AGO1: variants seen among roughly 807,000 people sequenced by gnomAD.
The protein encoded by AGO1 is protein argonaute-1.
Under a neutral mutation model 109.2 loss-of-function variants are expected in AGO1, and 11 were observed. That is an observed-to-expected ratio of 0.10 (90% CI 0.06 to 0.17). AGO1 has a LOEUF of 0.17. Ranked by LOEUF, AGO1 falls within the 10% of genes least tolerant of loss-of-function variation. AGO1 has a pLI of 1.00. For missense variants in AGO1, 574 were observed against 1,140.3 expected (o/e 0.50, Z 7.15); for synonymous variants, 422 against 418.6 (o/e 1.01, Z -0.10).
Position 35,915,552 on chromosome 1 carries a change from A to G in AGO1, c.2028+10A>G. ...AGGCCAGCTACCCCAGGTAGGGCCCACAGTAGGTGGAGAAAACCTTCACAT... is the reference window on the plus strand; with the variant it reads ...AGGCCAGCTACCCCAGGTAGGGCCCGCAGTAGGTGGAGAAAACCTTCACAT... On this transcript the variant is annotated intron_variant, in intron 15 of 18. Coordinates refer to ENST00000373204, the MANE Select transcript of AGO1 (RefSeq NM_012199.5). 1 of 1,612,498 alleles carries G rather than the reference A, an allele frequency of 6.2e-7. No homozygotes were observed. Among genetic ancestry groups the G allele is most frequent in the Non-Finnish European group, 8.5e-7 (1 of 1,179,102 alleles).
intron 14 of AGO1, 125 bp downstream of exon 14, chr1:35,914,399 T>C: frequency 1.4e-6 from 1 of 710,452 alleles, no homozygotes; most frequent in Non-Finnish European, 2.4e-6. Flanking sequence ...TTTAGCTCGC[T>C]ATTCCCAATT....
chr1:35,893,268 G>A lies in AGO1; in HGVS notation c.502G>A (p.Ala168Thr), dbSNP rs200107860. 2 of 1,613,688 alleles carry A rather than the reference G, an allele frequency of 1.2e-6. No homozygotes were observed. The highest frequency in any genetic ancestry group is 1.7e-5 in the Admixed American group (1 of 59,970). The change falls in exon 4 of 19, where the codon GCA (alanine) becomes ACA (threonine). Residue 168 changes from alanine to threonine, a missense_variant. Ala to Thr is a moderately conservative substitution (Grantham distance 58). Transcript: ENST00000373204. The surrounding 1 kb of genome is among the most constrained non-coding windows in gnomAD (Gnocchi z 5.6). ...QALDVAMRHL[A>T]SMRYTPVGRS... ...CCTGGATGTGGCCATGAGGCACCTG[G>A]CATCCATGAGGTATTGGGTGTAGTT...
Position 35,927,504 on chromosome 1 carries a change from A to G in AGO1, c.*7897A>G, listed in dbSNP as rs1012690951. 2.6e-5 allele frequency: 4 copies of G among 152,196 alleles called. No individual in the cohort carries two copies. Among genetic ancestry groups the G allele is most frequent in the African/African-American group, 9.7e-5 (4 of 41,428 alleles). 9.4% of individuals were successfully genotyped at this position (152,196 alleles called of 1,614,324 possible). A position where few individuals can be genotyped will look rare whatever the true frequency, so the allele number is the denominator to read the frequency against. The stretch of plus-strand genomic sequence containing the variant: ...CAGAACCGTGTCTGGCAAAAGAGAG[A>G]CAGATTTTTCTGTGTCCTTCTAAAG... On this transcript the variant is annotated 3_prime_UTR_variant, in exon 19 of 19. Transcript: ENST00000373204.
chr1:35,885,791 T>A (rs1313517336), intron 1 of AGO1, among the ~76,000 whole-genome samples: 1 of 152,212 alleles, frequency 6.6e-6, no homozygotes, highest in East Asian at 1.9e-4. Context: ...AAGTGCCTAG[T>A]GTATAGGCCC....
intron 12 of AGO1, among the ~76,000 whole-genome samples, chr1:35,908,263 T>C (rs1420949122): frequency 6.6e-6 from 1 of 152,220 alleles, no homozygotes; most frequent in Non-Finnish European, 1.5e-5. Flanking sequence ...TCAGTTGTCC[T>C]CTTGACTTCT....
Position 35,907,022 on chromosome 1 carries a change from G to A in AGO1, c.1485G>A (p.Gly495=). The A allele has an allele frequency of 1.9e-6, 3 of 1,614,062 alleles. No homozygotes were observed. The South Asian group carries it at 3.3e-5, about 18-fold the overall frequency. Residue 495 remains glycine (G), a synonymous_variant, in exon 12 of 19, where the codon GGG becomes GGA. Coordinates refer to ENST00000373204, the MANE Select transcript of AGO1 (RefSeq NM_012199.5). ...CTTGTTTCTGCAAATATGCACAGGG[G>A]GCAGACAGCGTGGAGCCTATGTTCC... ...GQPCFCKYAQ[G]ADSVEPMFRH...
chr1:35,879,960 CA>C (rs1296201728), upstream of AGO1, among the ~76,000 whole-genome samples: 1 of 152,004 alleles, frequency 6.6e-6, no homozygotes, highest in Non-Finnish European at 1.5e-5. Context: ...GTATTTAGAA[CA>C]GGGGAGTCAG....
chr1:35,895,039 T>C, intron 7 of AGO1, 83 bp from the exon 8 acceptor site: 2 of 1,467,912 alleles, frequency 1.4e-6, no homozygotes, highest in South Asian at 1.4e-5. Context: ...GGAAAAAATC[T>C]GAGGCTTCCA....
chr1:35,871,052 A>G (rs1474500738), intron 1 of AGO1, among the ~76,000 whole-genome samples: 4 of 152,136 alleles, frequency 2.6e-5, no homozygotes, highest in African/African-American at 7.2e-5. Flanking sequence ...TCTTGTGCCT[A>G]TCTCCTCTTG....
intron 8 of AGO1, among the ~76,000 whole-genome samples, chr1:35,897,223 G>A (rs929463015): frequency 4.6e-5 from 7 of 152,198 alleles, no homozygotes; most frequent in Non-Finnish European, 7.3e-5. Flanking sequence ...ATAGAAGTAA[G>A]GGAGGAAGAG....
At chr1:35,910,220 G>C (rs1185583829) in intron 12 of AGO1, among the ~76,000 whole-genome samples, 2 of 150,688 alleles carry the variant, frequency 1.3e-5, no homozygotes, top group East Asian at 3.9e-4. Flanking sequence ...CCTCCTGGGA[G>C]GCTGGGTAAA....
chr1:35,921,283 CTTTTTTTTTT>C lies in AGO1; in HGVS notation c.*1687_*1696del, dbSNP rs34158936. On this transcript the variant is annotated 3_prime_UTR_variant, in exon 19 of 19. Transcript: ENST00000373204. Reference sequence around the variant, plus strand: ...AGGGCATGTGGGTGGGTGGCATGGACTTTTTTTTTTTTTTTTTTTTGTCTTGAGACATGGG... The same window carrying C: ...AGGGCATGTGGGTGGGTGGCATGGACTTTTTTTTTTGTCTTGAGACATGGG... 1.8e-5 allele frequency: 2 copies of C among 113,890 alleles called. No individual in the cohort carries two copies. Among genetic ancestry groups the C allele is most frequent in the Non-Finnish European group, 3.6e-5 (2 of 56,062 alleles). The allele number at this position is 113,890 out of a possible 1,614,324, so 7.1% of individuals were successfully genotyped here. A position where few individuals can be genotyped will look rare whatever the true frequency, so the allele number is the denominator to read the frequency against.
Position 35,895,238 on chromosome 1 carries a change from A to G in AGO1, c.989A>G (p.Gln330Arg). Residue 330 changes from glutamine (Q) to arginine (R), a missense_variant, in exon 8 of 19, where the codon CAG becomes CGG. By Grantham distance (43) the Gln-to-Arg change is conservative. Coordinates refer to ENST00000373204, the MANE Select transcript of AGO1 (RefSeq NM_012199.5). ...YPHLPCLQVG[Q>R]EQKHTYLPLE... ...CATCTGCCCTGCCTACAAGTTGGCC[A>G]GGAACAAAAGCATACCTACCTTCCC... The G allele has an allele frequency of 6.2e-7, 1 of 1,613,938 alleles. No homozygotes were observed. The highest frequency in any genetic ancestry group is 8.5e-7 in the Non-Finnish European group (1 of 1,179,900).
At chr1:35,902,417 A>T in intron 11 of AGO1, 80 bp downstream of exon 11, 7 of 1,547,534 alleles carry the variant, frequency 4.5e-6, no homozygotes, top group Non-Finnish European at 6.1e-6. Flanking sequence ...ACAGGGGCTG[A>T]TATTGATCAG....
At position 35,897,972 on chromosome 1, in the gene AGO1, ATTTT is replaced by A. The variant is rs1293435569; in HGVS notation, c.1020+2704_1020+2707del. 1.1e-4 allele frequency among the ~76,000 whole-genome samples: 17 copies of A among 152,168 alleles called. No individual in the cohort carries two copies. In the East Asian group the frequency reaches 1.5e-3, roughly 14 times the overall value. On this transcript the variant is annotated intron_variant, in intron 8 of 18. Coordinates refer to ENST00000373204, the MANE Select transcript of AGO1 (RefSeq NM_012199.5). ...TTACTTTCAGTCTCTGGGTATACCT[ATTTT>A]GGACATATCATATATGTGAAATAAT...
Position 35,876,868 on chromosome 1 carries a change from G to A in AGO1, c.-201+6965G>A, listed in dbSNP as rs115451928. ...TGCAGTCATGGTTCACTGCAGCTTCGACCACCTGGGCTGGGCTTAAGTGAT... is the reference window on the plus strand; with the variant it reads ...TGCAGTCATGGTTCACTGCAGCTTCAACCACCTGGGCTGGGCTTAAGTGAT... On this transcript the variant is annotated intron_variant, in intron 1 of 18. Transcript: ENST00000373206. Among the ~76,000 whole-genome samples the A allele has an allele frequency of 6.5e-3, 993 of 152,160 alleles. 9 individuals are homozygous for A. Among genetic ancestry groups the A allele is most frequent in the African/African-American group, 0.023 (944 of 41,512 alleles).
At position 35,877,357 on chromosome 1, in the gene AGO1, A is replaced by C. The variant is rs750231937; in HGVS notation, c.-201+7454A>C. On this transcript the variant is annotated intron_variant, in intron 1 of 18. Coordinates refer to the AGO1 transcript ENST00000373206. The stretch of plus-strand genomic sequence containing the variant: ...TGTAATGTGCTATTTCTCACTTCAT[A>C]CTTTCTGTTAATGCTGCTTAGTACA... Among the ~76,000 whole-genome samples the C allele has an allele frequency of 5.3e-5, 8 of 152,058 alleles. 1 individual carries two copies.
intron 1 of AGO1, among the ~76,000 whole-genome samples, chr1:35,871,938 C>T (rs1047402685): frequency 1.5e-4 from 22 of 151,296 alleles, no homozygotes; most frequent in Non-Finnish European, 2.1e-4. Context: ...GGTGTGGTGG[C>T]GGGCGCCTGT....
rs375926080 is a variant in AGO1, at chr1:35,893,543, T to C, written c.513-131T>C. 4.0e-6 allele frequency: 4 copies of C among 996,052 alleles called. No individual in the cohort carries two copies. The African/African-American group carries it at 6.5e-5, about 16-fold the overall frequency. 61.7% of individuals were successfully genotyped at this position (996,052 alleles called of 1,614,324 possible). ...ACTTGTACAAGGTCAGTCATACAAC[T>C]AGTAAAGCATCAGAGCTGGCATTAA... On this transcript the variant is annotated intron_variant, in intron 4 of 18. Transcript: ENST00000373204. The surrounding 1 kb of genome is among the most constrained non-coding windows in gnomAD (Gnocchi z 5.6).
Sources: allele counts gnomAD v4.1 joint callset (sites outside exome capture counted in the v4.1 genomes callset), GRCh38; gene constraint gnomAD v4.1.1; non-coding constraint Gnocchi (gnomAD v3.1); transcripts MANE v1.5; gene names NCBI Gene and HGNC (gene_info 2026-07-23, HGNC 2026-07-21).